Variants in PCDHGA3 observed in about 807,000 individuals in gnomAD.
PCDHGA3 encodes the protein protocadherin gamma subfamily A, 3.
In PCDHGA3, 40 loss-of-function variants were observed where a neutral mutation model predicts 58.5. That is an observed-to-expected ratio of 0.68 (90% confidence interval 0.53 to 0.89). The LOEUF is 0.89. PCDHGA3 is among the 40% of genes least tolerant of loss of function. PCDHGA3 has a pLI of 0.00. For missense variants in PCDHGA3, 1,223 were observed against 1,195.9 expected (o/e 1.02, Z -0.33); for synonymous variants, 530 against 525.7 (o/e 1.01, Z -0.11).
chr5:141,389,553 G>A, intron 1 of PCDHGA3: 1 of 1,613,234 alleles, frequency 6.2e-7, no homozygotes, highest in South Asian at 1.1e-5. Context: ...CAACGACAAT[G>A]CGCCACGGGT....
intron 1 of PCDHGA3, chr5:141,367,597 T>C (rs561845144): frequency 7.2e-5 from 11 of 152,152 alleles, no homozygotes; most frequent in African/African-American, 2.6e-4. Context: ...ATAAAATTTA[T>C]ATTAATGATA....
chr5:141,487,656 C>G lies in PCDHGA3; in HGVS notation c.2425-7151C>G. ...GCTCAACAAATGCTTGAGGGTTATT[C>G]TGATCCAGGCATATGGCTAGGCCAT... On this transcript the variant is annotated intron_variant, in intron 1 of 3. Coordinates refer to ENST00000253812, the MANE Select transcript of PCDHGA3 (RefSeq NM_018916.4). The surrounding 1 kb of genome is among the most constrained non-coding windows in gnomAD (Gnocchi z 5.0). 6.2e-7 allele frequency: 1 copy of G among 1,613,658 alleles called. No individual in the cohort carries two copies. Among genetic ancestry groups the G allele is most frequent in the Non-Finnish European group, 8.5e-7 (1 of 1,179,794 alleles).
At chr5:141,416,014 A>G (rs1258459397) in intron 1 of PCDHGA3, 1 of 228,504 alleles carries the variant, frequency 4.4e-6, no homozygotes, top group African/African-American at 2.3e-5. Flanking sequence ...AAGAATAGGT[A>G]AGTATCAGAA....
rs1481151067 is a variant in PCDHGA3, at chr5:141,477,223, T to A, written c.2425-17584T>A. On this transcript the variant is annotated intron_variant, in intron 1 of 3. Transcript: ENST00000253812. This position sits in a 1 kb window ranked among gnomAD's most constrained non-coding sequence, Gnocchi z 4.9. ...TACCCGAGGATGCCCCTCTGGGGAC[T>A]GTCATCGCTTTGCTCAGTGTGACTG... The A allele has an allele frequency of 6.2e-7, 1 of 1,614,198 alleles. No individual in the cohort carries two copies. The highest frequency in any genetic ancestry group is 1.1e-5 in the South Asian group (1 of 91,084).
intron 1 of PCDHGA3, chr5:141,405,325 G>A: frequency 5.6e-6 from 9 of 1,614,170 alleles, no homozygotes; most frequent in African/African-American, 1.3e-5. Context: ...ATGAGCCTTT[G>A]TGCGTCTCTG....
At chr5:141,423,642 T>C (rs1293550754) in intron 1 of PCDHGA3, 2 of 1,596,770 alleles carry the variant, frequency 1.3e-6, no homozygotes, top group African/African-American at 2.7e-5. Flanking sequence ...TAGGCAAATG[T>C]GACCCGACAA....
rs534304763 is a variant in PCDHGA3 at position 141,394,533 on chromosome 5, G to T, written c.2424+48076G>T. 2 of 1,614,092 alleles carry T rather than the reference G, an allele frequency of 1.2e-6. No individual in the cohort carries two copies. The highest frequency in any genetic ancestry group is 3.3e-5 in the Admixed American group (2 of 60,014). On this transcript the variant is annotated intron_variant, in intron 1 of 3. Transcript: ENST00000253812. Reference sequence around the variant, plus strand: ...CGCCCTCCCCACAGACGGTTCCACTGGCGTGGAGCTGGCGCCCCGCTCCGC... The same window carrying T: ...CGCCCTCCCCACAGACGGTTCCACTTGCGTGGAGCTGGCGCCCCGCTCCGC...
Position 141,346,093 on chromosome 5 carries a change from C to T in PCDHGA3, c.2060C>T (p.Ser687Leu). Residue 687 changes from serine to leucine, a missense_variant, in exon 1 of 4, where the codon TCG (serine) becomes TTG (leucine). Transcript: ENST00000253812. Reference sequence around the variant, plus strand: ...GAGCCCTCCGCCAAACCCAACGATTCGGACCTCACTCTGTACCTGGTGGTG... The same window carrying T: ...GAGCCCTCCGCCAAACCCAACGATTTGGACCTCACTCTGTACCTGGTGGTG... ...SLEPSAKPNDSDLTLYLVVAV... is the reference protein window; with the variant it reads ...SLEPSAKPNDLDLTLYLVVAV... 13 of 1,613,786 alleles carry T rather than the reference C, an allele frequency of 8.1e-6. No homozygotes were observed. The highest frequency in any genetic ancestry group is 1.1e-5 in the South Asian group (1 of 91,048).
Position 141,345,007 on chromosome 5 carries a change from C to A in PCDHGA3, c.974C>A (p.Pro325Gln). The stretch of plus-strand genomic sequence containing the variant: ...ATTAAAATTGAAGCACAGGATGGAC[C>A]AGGTCTTCTTTCAAGAGCCAAGATT... ...YEIKIEAQDG[P>Q]GLLSRAKILV... Residue 325 changes from proline to glutamine, a missense_variant, in exon 1 of 4, where the codon CCA becomes CAA. Coordinates refer to ENST00000253812, the MANE Select transcript of PCDHGA3 (RefSeq NM_018916.4). 1.2e-6 allele frequency: 2 copies of A among 1,613,806 alleles called. 1 individual carries two copies.
chr5:141,423,246 G>A, intron 1 of PCDHGA3: 15 of 1,613,922 alleles, frequency 9.3e-6, no homozygotes, highest in Non-Finnish European at 1.3e-5. Context: ...CCGAAGTCCT[G>A]GCGGACCTCG....
chr5:141,431,702 T>C lies in PCDHGA3; in HGVS notation c.2425-63105T>C, dbSNP rs1349630251. The C allele has an allele frequency of 5.6e-6, 9 of 1,614,110 alleles. No individual in the cohort carries two copies. In the East Asian group the frequency reaches 8.9e-5, roughly 16 times the overall value. Reference sequence around the variant, plus strand: ...GTTGGACCACGAGGAGTCAGGATTCTACCAGATGGAAGTGCAAGCAATGGA... The same window carrying C: ...GTTGGACCACGAGGAGTCAGGATTCCACCAGATGGAAGTGCAAGCAATGGA... On this transcript the variant is annotated intron_variant, in intron 1 of 3. Transcript: ENST00000253812. This position sits in a 1 kb window ranked among gnomAD's most constrained non-coding sequence, Gnocchi z 4.8.
At chr5:141,441,782 G>T in intron 1 of PCDHGA3, 1 of 391,086 alleles carries the variant, frequency 2.6e-6, no homozygotes, top group East Asian at 8.8e-5. Context: ...TGGACGACCT[G>T]AATGACAACG....
At position 141,344,041 on chromosome 5, in the gene PCDHGA3, A is replaced by G. The variant is rs1366444315; in HGVS notation, c.8A>G (p.Asn3Ser). ...CGATTCACCGAAAAGGAAATGACCA[A>G]TTGCCTGAGTTTCCGAAATGGCAGA... Reference protein sequence around the residue: MTNCLSFRNGRGL... With the variant: MTSCLSFRNGRGL... The change falls in exon 1 of 4, where the codon AAT becomes AGT. Residue 3 changes from asparagine to serine, a missense_variant. Asn to Ser is a conservative substitution (Grantham distance 46). Transcript: ENST00000253812. 5 of 1,553,536 alleles carry G rather than the reference A, an allele frequency of 3.2e-6. No homozygotes were observed. Among genetic ancestry groups the G allele is most frequent in the African/African-American group, 1.4e-5 (1 of 72,640 alleles).
intron 1 of PCDHGA3, among the ~76,000 whole-genome samples, chr5:141,483,648 TTGTGTGTG>T (rs111458813): frequency 6.7e-6 from 1 of 149,592 alleles, no homozygotes; most frequent in Non-Finnish European, 1.5e-5. Flanking sequence ...GGGTGTGTGT[TTGTGTGTG>T]TGTGTGTGTG....
chr5:141,361,121 C>T, intron 1 of PCDHGA3: 1 of 1,613,950 alleles, frequency 6.2e-7, no homozygotes, highest in Non-Finnish European at 8.5e-7. Context: ...GATCTAGCAG[C>T]CCACTGCAGT....
intron 1 of PCDHGA3, chr5:141,414,573 A>G: frequency 6.2e-7 from 1 of 1,613,920 alleles, no homozygotes; most frequent in African/African-American, 1.3e-5. Context: ...CCTATATCCC[A>G]GAGAACAACG....
At position 141,491,154 on chromosome 5, in the gene PCDHGA3, C is replaced by T. The variant is rs773308291; in HGVS notation, c.2425-3653C>T. ...CAGCCCGGGCCTTACTGGAGGATGACTCTGACACCCAGCAGGTGGTGGTCC... is the reference window on the plus strand; with the variant it reads ...CAGCCCGGGCCTTACTGGAGGATGATTCTGACACCCAGCAGGTGGTGGTCC... On this transcript the variant is annotated intron_variant, in intron 1 of 3. Coordinates refer to ENST00000253812, the MANE Select transcript of PCDHGA3 (RefSeq NM_018916.4). The surrounding 1 kb of genome is among the most constrained non-coding windows in gnomAD (Gnocchi z 6.9). The T allele has an allele frequency of 6.2e-7, 1 of 1,614,162 alleles. No homozygotes were observed. The highest frequency in any genetic ancestry group is 1.7e-5 in the Admixed American group (1 of 60,026).
chr5:141,436,051 A>G (rs2097793554), intron 1 of PCDHGA3, among the ~76,000 whole-genome samples: 1 of 152,194 alleles, frequency 6.6e-6, no homozygotes, highest in Admixed American at 6.5e-5. Flanking sequence ...ATTAGTTTTC[A>G]AATAGAATTT....
chr5:141,489,546 C>T lies in PCDHGA3; in HGVS notation c.2425-5261C>T, dbSNP rs1404605129. ...GCCTATGTGGAGCCAGCACCAGCTGCCTGCTGCCAGTGCAGGTGGTGACTG... is the reference window on the plus strand; with the variant it reads ...GCCTATGTGGAGCCAGCACCAGCTGTCTGCTGCCAGTGCAGGTGGTGACTG... On this transcript the variant is annotated intron_variant, in intron 1 of 3. Coordinates refer to ENST00000253812, the MANE Select transcript of PCDHGA3 (RefSeq NM_018916.4). The surrounding 1 kb of genome is among the most constrained non-coding windows in gnomAD (Gnocchi z 4.5). 2 of 1,614,076 alleles carry T rather than the reference C, an allele frequency of 1.2e-6. No homozygotes were observed. The highest frequency in any genetic ancestry group is 2.2e-5 in the East Asian group (1 of 44,868).
Sources: allele counts gnomAD v4.1 joint callset (sites outside exome capture counted in the v4.1 genomes callset), GRCh38; gene constraint gnomAD v4.1.1; non-coding constraint Gnocchi (gnomAD v3.1); transcripts MANE v1.5; gene names NCBI Gene and HGNC (gene_info 2026-07-23, HGNC 2026-07-21).